Variants in ERBB4 observed in about 807,000 individuals in gnomAD.
ERBB4 encodes the protein receptor tyrosine-protein kinase erbB-4.
In ERBB4, 42 loss-of-function variants were observed where a neutral mutation model predicts 158.0. The ratio of observed to expected loss-of-function variants is 0.27; its 90% CI spans 0.21 to 0.34. ERBB4 has a LOEUF of 0.34. Among genes scored for constraint, ERBB4 ranks in the 10% least tolerant of loss-of-function variants. The probability of loss-of-function intolerance (pLI) is 1.00; values close to 1 mark genes in which losing one functional copy is unlikely to be tolerated. For missense variants in ERBB4, 1,333 were observed against 1,624.1 expected, an observed-to-expected ratio of 0.82 and a Z score of 3.08; for synonymous variants, 583 against 558.7, an observed-to-expected ratio of 1.04 and a Z score of -0.61.
chr2:212,367,652 C>A (rs2089939374), intron 1 of ERBB4, among the ~76,000 whole-genome samples: 1 of 152,028 alleles, frequency 6.6e-6, no homozygotes, highest in Non-Finnish European at 1.5e-5. Flanking sequence ...AAACAGACAA[C>A]CCATAGAGTG....
At chr2:211,842,720 AG>A (rs1426631525) in intron 3 of ERBB4, among the ~76,000 whole-genome samples, 10 of 152,154 alleles carry the variant, frequency 6.6e-5, no homozygotes, top group Non-Finnish European at 1.3e-4. Context: ...TTTATATTCA[AG>A]ATTTAATTCT....
At chr2:211,521,987 A>C (rs2066198272) in intron 20 of ERBB4, among the ~76,000 whole-genome samples, 1 of 152,158 alleles carries the variant, frequency 6.6e-6, no homozygotes, top group East Asian at 1.9e-4. Context: ...TGTGACAAAA[A>C]TGTACAAGAA....
chr2:211,680,847 G>C (rs1160762522), intron 12 of ERBB4, among the ~76,000 whole-genome samples: 1 of 152,046 alleles, frequency 6.6e-6, no homozygotes, highest in African/African-American at 2.4e-5. Context: ...CTGTGTCTGT[G>C]TGCAGCAGTT....
At chr2:212,160,679 TGTC>T (rs2081177481) in intron 1 of ERBB4, among the ~76,000 whole-genome samples, 1 of 152,044 alleles carries the variant, frequency 6.6e-6, no homozygotes, top group Admixed American at 6.6e-5. Context: ...AAAATTCATG[TGTC>T]TAGGTCTTAG....
chr2:212,288,170 C>T (rs1022319761), intron 1 of ERBB4, among the ~76,000 whole-genome samples: 4 of 152,158 alleles, frequency 2.6e-5, no homozygotes, highest in Non-Finnish European at 5.9e-5. Flanking sequence ...CTGGATCTAT[C>T]TGTGCTTAAG....
intron 1 of ERBB4, among the ~76,000 whole-genome samples, chr2:212,259,160 T>A (rs1421554909): frequency 6.6e-6 from 1 of 152,214 alleles, no homozygotes; most frequent in Non-Finnish European, 1.5e-5. Flanking sequence ...AAAGGTGAGA[T>A]ATGAATGTCA....
chr2:211,586,136 G>T (rs1429816892), intron 19 of ERBB4, among the ~76,000 whole-genome samples: 2 of 151,990 alleles, frequency 1.3e-5, no homozygotes, highest in Non-Finnish European at 2.9e-5. Context: ...CTAAGAAATT[G>T]CTTTCCACCC....
At chr2:212,131,497 C>T (rs1368947436) in intron 1 of ERBB4, among the ~76,000 whole-genome samples, 2 of 152,098 alleles carry the variant, frequency 1.3e-5, no homozygotes, top group Non-Finnish European at 2.9e-5. Context: ...TTGTGCTCTA[C>T]CAGGAGACAC....
intron 3 of ERBB4, among the ~76,000 whole-genome samples, chr2:211,875,282 G>A (rs1187034100): frequency 6.6e-6 from 1 of 152,076 alleles, no homozygotes; most frequent in Non-Finnish European, 1.5e-5. Context: ...AAATTTAAGA[G>A]TGCTGAGCAC....
At chr2:212,437,593 G>T (rs2092166118) in intron 1 of ERBB4, among the ~76,000 whole-genome samples, 1 of 151,474 alleles carries the variant, frequency 6.6e-6, no homozygotes, top group African/African-American at 2.4e-5. Flanking sequence ...CCCACTAAAA[G>T]CTCTTAAGTA....
chr2:211,975,457 CTA>C (rs2081579100), intron 2 of ERBB4, among the ~76,000 whole-genome samples: 1 of 152,156 alleles, frequency 6.6e-6, no homozygotes, highest in Non-Finnish European at 1.5e-5. Flanking sequence ...AATTTTGGAG[CTA>C]TAGCTTTCTT....
chr2:212,528,289 C>T (rs567640939), intron 1 of ERBB4, among the ~76,000 whole-genome samples: 4 of 152,024 alleles, frequency 2.6e-5, no homozygotes, highest in African/African-American at 7.2e-5. Context: ...CCTCTGCCGC[C>T]GTGAGAAAGT....
intron 1 of ERBB4, among the ~76,000 whole-genome samples, chr2:212,151,476 A>G (rs1427988243): frequency 3.3e-5 from 5 of 151,390 alleles, no homozygotes; most frequent in Non-Finnish European, 7.4e-5. Flanking sequence ...TATATATAAA[A>G]CCTCAATTAA....
intron 1 of ERBB4, among the ~76,000 whole-genome samples, chr2:212,308,657 A>G (rs1027837273): frequency 6.6e-6 from 1 of 151,074 alleles, no homozygotes; most frequent in Non-Finnish European, 1.5e-5. Flanking sequence ...GTTAGCAATG[A>G]TCACTAGAAA....
intron 20 of ERBB4, among the ~76,000 whole-genome samples, chr2:211,471,671 T>A (rs2064830751): frequency 1.3e-5 from 2 of 152,112 alleles, no homozygotes; most frequent in Admixed American, 6.6e-5. Flanking sequence ...CAGCTGAGAA[T>A]GTTTTACGAA....
In ERBB4 at chr2:211,380,998, T is replaced by G. The variant is rs748717085; in HGVS notation, c.*2617A>C. Reference sequence around the variant, plus strand: ...CAAAAAGAGGGCTGTGATGACTCGATGCAGATTTATTTAGAAAGGGAGGCT... The same window carrying G: ...CAAAAAGAGGGCTGTGATGACTCGAGGCAGATTTATTTAGAAAGGGAGGCT... On this transcript the variant is annotated 3_prime_UTR_variant, in exon 28 of 28. Coordinates refer to ENST00000342788, the MANE Select transcript of ERBB4 (RefSeq NM_005235.3). 8 of 232,326 alleles carry G rather than the reference T, an allele frequency of 3.4e-5. No individual in the cohort carries two copies. Among genetic ancestry groups the G allele is most frequent in the Non-Finnish European group, 5.1e-5 (6 of 117,554 alleles). 14.4% of individuals were successfully genotyped at this position (232,326 alleles called of 1,614,324 possible).
intron 5 of ERBB4, among the ~76,000 whole-genome samples, chr2:211,730,534 C>G (rs1437373527): frequency 6.6e-6 from 1 of 151,942 alleles, no homozygotes; most frequent in Non-Finnish European, 1.5e-5. Context: ...ACCAGTGGTT[C>G]TGAACTGGGT....
rs569554256 is a variant in ERBB4 at position 212,376,793 on chromosome 2, G to A, written c.82+161656C>T. 2.6e-5 allele frequency among the ~76,000 whole-genome samples: 4 copies of A among 152,056 alleles called. No homozygotes were observed. The South Asian group carries it at 6.2e-4, about 24-fold the overall frequency. ...TTTACAAAAGTGTCTTGACCTTGAC[G>A]GAGATTATCAAGAAGCAAAGCTTAT... is the stretch of plus-strand genomic sequence containing the variant. On this transcript the variant is annotated intron_variant, in intron 1 of 27. Transcript: ENST00000342788.
chr2:211,577,883 T>C (rs2067940275), intron 19 of ERBB4, among the ~76,000 whole-genome samples: 1 of 152,160 alleles, frequency 6.6e-6, no homozygotes, highest in Admixed American at 6.5e-5. Flanking sequence ...CTGGAAGCAT[T>C]ATCTTTGAAA....
Sources: gnomAD v4.1 joint callset for allele counts (sites outside exome capture counted in the v4.1 genomes callset) on GRCh38, gnomAD v4.1.1 for gene constraint, MANE v1.5 for transcripts, NCBI Gene and HGNC (gene_info 2026-07-23, HGNC 2026-07-21) for gene names.